Variants in LHPP observed in about 807,000 individuals in gnomAD.
LHPP encodes phospholysine phosphohistidine inorganic pyrophosphate phosphatase.
LHPP carries 24 observed loss-of-function variants against 30.3 expected under a neutral mutation model. The ratio of observed to expected loss-of-function variants is 0.79; its 90% CI spans 0.57 to 1.11. LHPP has a LOEUF of 1.11. Ranked by LOEUF, LHPP falls within the 50% of genes most tolerant of loss-of-function variation. LHPP has a pLI of 0.00. For synonymous variants in LHPP, 150 were observed against 157.1 expected, an observed-to-expected ratio of 0.95 and a Z score of 0.34; for missense variants, 356 against 367.2, an observed-to-expected ratio of 0.97 and a Z score of 0.25.
chr10:124,540,095 T>C (rs943176857), intron 6 of LHPP, among the ~76,000 whole-genome samples: 5 of 152,070 alleles, frequency 3.3e-5, no homozygotes, highest in African/African-American at 1.2e-4. Flanking sequence ...CAGATAACCG[T>C]GGGGAGGGGA....
intron 6 of LHPP, among the ~76,000 whole-genome samples, chr10:124,527,777 T>TG (rs201595790): frequency 0.15 from 18,369 of 124,620 alleles, 2,017 homozygotes; most frequent in African/African-American, 0.34. Context: ...TTGTGCTTTT[T>TG]TTTTTTTGTT....
chr10:124,591,568 C>T lies in LHPP; in HGVS notation c.717-21696C>T, dbSNP rs572952724. 1.1e-4 allele frequency among the ~76,000 whole-genome samples: 16 copies of T among 152,216 alleles called. No individual in the cohort carries two copies. The Middle Eastern group carries it at 0.01, about 97-fold the overall frequency. On this transcript the variant is annotated intron_variant, in intron 6 of 6. Transcript: ENST00000368842. ...CAGAAAAGGGACTTGCCCAAGGCCA[C>T]ACAGCAGGTGGCCAGCACTGTGTCC...
intron 6 of LHPP, among the ~76,000 whole-genome samples, chr10:124,594,007 G>A (rs1948912362): frequency 6.6e-6 from 1 of 152,204 alleles, no homozygotes. Context: ...GTGCTGCCAT[G>A]ACCAAACTAG....
rs1589878609 is a variant in LHPP at position 124,576,415 on chromosome 10, A to C, written c.717-36849A>C. On this transcript the variant is annotated intron_variant, in intron 6 of 6. Coordinates refer to ENST00000368842, the MANE Select transcript of LHPP (RefSeq NM_022126.4). This position sits in a 1 kb window ranked among gnomAD's most constrained non-coding sequence, Gnocchi z 4.2. ...CGGTACCCGTATATCCCACCCCCAG[A>C]CTCCTTTCCATGAGCTGCTCCCAGA... 7.1e-6 allele frequency among the ~76,000 whole-genome samples: 1 copy of C among 141,564 alleles called. No homozygotes were observed. Among genetic ancestry groups the C allele is most frequent in the Admixed American group, 7.1e-5 (1 of 14,104 alleles). The allele number at this position is 141,564 out of a possible 152,430, so 92.9% of individuals were successfully genotyped here.
At chr10:124,480,129 T>C (rs1953080430) in intron 1 of LHPP, among the ~76,000 whole-genome samples, 1 of 152,202 alleles carries the variant, frequency 6.6e-6, no homozygotes, top group Non-Finnish European at 1.5e-5. Flanking sequence ...ACTTTCTTTA[T>C]TTTCAGTAAT....
chr10:124,474,759 G>A (rs1422957476), intron 1 of LHPP, among the ~76,000 whole-genome samples: 1 of 151,892 alleles, frequency 6.6e-6, no homozygotes, highest in Non-Finnish European at 1.5e-5. Flanking sequence ...GGTGGAGGAG[G>A]AGCCAGTCAC....
intron 6 of LHPP, among the ~76,000 whole-genome samples, chr10:124,568,944 T>C (rs893575045): frequency 1.3e-4 from 9 of 70,630 alleles, no homozygotes; most frequent in African/African-American, 2.7e-4. Flanking sequence ...TGGCATGTTC[T>C]GTCCCCCCCA....
intron 6 of LHPP, among the ~76,000 whole-genome samples, chr10:124,587,760 AAAAAACC>A: frequency 6.9e-6 from 1 of 145,606 alleles, no homozygotes; most frequent in Admixed American, 6.9e-5. Context: ...AAAAAAAAAA[AAAAAACC>A]AAAAAAACCC....
At chr10:124,535,445 AG>A (rs1954999879) in intron 6 of LHPP, among the ~76,000 whole-genome samples, 1 of 152,204 alleles carries the variant, frequency 6.6e-6, no homozygotes, top group Non-Finnish European at 1.5e-5. Context: ...TCTGTCACCC[AG>A]GCTGGAGTGC....
intron 1 of LHPP, among the ~76,000 whole-genome samples, chr10:124,470,395 G>C (rs768231505): frequency 5.1e-4 from 78 of 152,128 alleles, no homozygotes; most frequent in Non-Finnish European, 5.1e-4. Context: ...CCGATCGATC[G>C]GCCTGGTGCT....
chr10:124,564,750 T>C (rs1948462383), intron 6 of LHPP, among the ~76,000 whole-genome samples: 1 of 152,184 alleles, frequency 6.6e-6, no homozygotes, highest in Non-Finnish European at 1.5e-5. Flanking sequence ...GCCGTGGAAT[T>C]ATGGAGAGTT....
chr10:124,497,962 C>G, intron 4 of LHPP, 74 bp from the exon 5 acceptor site: 2 of 1,189,576 alleles, frequency 1.7e-6, no homozygotes, highest in Non-Finnish European at 2.5e-6. Flanking sequence ...ACATTTGGGA[C>G]AGTGTTTCCG....
In LHPP at chr10:124,599,041, C is replaced by G. The variant is rs575140211; in HGVS notation, c.717-14223C>G. On this transcript the variant is annotated intron_variant, in intron 6 of 6. Transcript: ENST00000368842. ...CATCCATCCACCTGTCCATCCCCAT[C>G]CATCCATCCCTGTCCATCCATCCAC... 2.5e-3 allele frequency among the ~76,000 whole-genome samples: 378 copies of G among 151,800 alleles called. 2 individuals are homozygous for G. The highest frequency in any genetic ancestry group is 8.7e-3 in the African/African-American group (362 of 41,386).
Position 124,486,984 on chromosome 10 carries a change from C to T in LHPP, c.314-1438C>T, listed in dbSNP as rs573431819. Reference sequence around the variant, plus strand: ...CTAGTCCTGCTGAGTTAACCCTTTCCGTCACAGTAGTCTTTTGTGTAAGGC... The same window carrying T: ...CTAGTCCTGCTGAGTTAACCCTTTCTGTCACAGTAGTCTTTTGTGTAAGGC... On this transcript the variant is annotated intron_variant, in intron 2 of 6. Transcript: ENST00000368842. Among the ~76,000 whole-genome samples the T allele has an allele frequency of 3.3e-5, 5 of 152,332 alleles. No individual in the cohort carries two copies. In the South Asian group the frequency reaches 6.2e-4, roughly 19 times the overall value.
intron 6 of LHPP, among the ~76,000 whole-genome samples, chr10:124,526,806 G>A (rs1451655926): frequency 6.6e-6 from 1 of 152,224 alleles, no homozygotes; most frequent in African/African-American, 2.4e-5. Flanking sequence ...TGTGGTTAAA[G>A]TCCGCTGAAC....
rs574951904 is a variant in LHPP, at chr10:124,478,118, C to T, written c.126-6021C>T. 2.6e-5 allele frequency among the ~76,000 whole-genome samples: 4 copies of T among 152,284 alleles called. No individual in the cohort carries two copies. Among genetic ancestry groups the T allele is most frequent in the Admixed American group, 6.5e-5 (1 of 15,304 alleles). On this transcript the variant is annotated intron_variant, in intron 1 of 6. Transcript: ENST00000368842. The surrounding 1 kb of genome is among the most constrained non-coding windows in gnomAD (Gnocchi z 4.7). ...GACAAAACCCTGCCCTCCCAAGCCCCGGGCTTGCAGAGGAGGCAGGAGGAG... is the reference window on the plus strand; with the variant it reads ...GACAAAACCCTGCCCTCCCAAGCCCTGGGCTTGCAGAGGAGGCAGGAGGAG...
chr10:124,569,889 G>A (rs888926806), intron 6 of LHPP, among the ~76,000 whole-genome samples: 2 of 152,184 alleles, frequency 1.3e-5, no homozygotes, highest in African/African-American at 4.8e-5. Context: ...GTACACCCGT[G>A]TAACCCCCAC....
At position 124,593,947 on chromosome 10, in the gene LHPP, T is replaced by C. The variant is rs1270541920; in HGVS notation, c.717-19317T>C. Among the ~76,000 whole-genome samples, 1 of 152,266 alleles carries C rather than the reference T, an allele frequency of 6.6e-6. No individual in the cohort carries two copies. The highest frequency in any genetic ancestry group is 6.5e-5 in the Admixed American group (1 of 15,294). ...ACACCAGGTCCTTGCTGCGTCTGGC[T>C]GGGCTGCAGAATACCCTTGACCTTT... On this transcript the variant is annotated intron_variant, in intron 6 of 6. Transcript: ENST00000368842. This position sits in a 1 kb window ranked among gnomAD's most constrained non-coding sequence, Gnocchi z 4.9.
intron 6 of LHPP, among the ~76,000 whole-genome samples, chr10:124,585,138 G>A (rs920820688): frequency 3.9e-5 from 6 of 152,026 alleles, no homozygotes; most frequent in African/African-American, 1.4e-4. Flanking sequence ...TTGGATAAGG[G>A]ATTCTTTACT....
Sources: gnomAD v4.1 joint callset for allele counts (sites outside exome capture counted in the v4.1 genomes callset) on GRCh38, gnomAD v4.1.1 for gene constraint, Gnocchi (gnomAD v3.1) non-coding constraint, MANE v1.5 for transcripts, NCBI Gene and HGNC (gene_info 2026-07-23, HGNC 2026-07-21) for gene names.